PVT1: variants seen among roughly 807,000 people sequenced by gnomAD.
PVT1 encodes the protein CXCR4/PVT1 fusion.
intron 4 of PVT1, among the ~76,000 whole-genome samples, chr8:128,031,144 G>A (rs147782188): frequency 1.8e-3 from 275 of 152,334 alleles, no homozygotes; most frequent in African/African-American, 6.3e-3. Flanking sequence ...AAGGCTGAGG[G>A]TTAAGTAACA....
At chr8:128,077,989 G>T (rs971037712) in intron 5 of PVT1, among the ~76,000 whole-genome samples, 3 of 152,238 alleles carry the variant, frequency 2.0e-5, no homozygotes, top group African/African-American at 7.2e-5. Flanking sequence ...TGGGCAGAGA[G>T]GGGTCGTGGG....
intron 3 of PVT1, among the ~76,000 whole-genome samples, chr8:127,914,053 T>C (rs967901567): frequency 1.4e-4 from 22 of 151,898 alleles, no homozygotes; most frequent in African/African-American, 5.3e-4. Context: ...AAAACATTAG[T>C]GGACTCAAAA....
chr8:127,806,272 C>A (rs1305664188), intron 2 of PVT1, among the ~76,000 whole-genome samples: 1 of 152,026 alleles, frequency 6.6e-6, no homozygotes, highest in East Asian at 1.9e-4. Flanking sequence ...ACCATCCTGG[C>A]CAACATGGTA....
chr8:128,045,735 A>G (rs537831119), intron 4 of PVT1, among the ~76,000 whole-genome samples: 2 of 152,240 alleles, frequency 1.3e-5, no homozygotes, highest in Admixed American at 6.5e-5. Flanking sequence ...GAGCGGCTTC[A>G]TAATGAGCTG....
chr8:127,880,066 T>TC (rs1262880889), intron 2 of PVT1, among the ~76,000 whole-genome samples: 1 of 152,084 alleles, frequency 6.6e-6, no homozygotes, highest in Non-Finnish European at 1.5e-5. Flanking sequence ...TTCCTCCTGT[T>TC]CCTCAGCTTC....
chr8:127,861,639 C>T (rs1287127761), intron 2 of PVT1, among the ~76,000 whole-genome samples: 1 of 151,760 alleles, frequency 6.6e-6, no homozygotes, highest in African/African-American at 2.4e-5. Flanking sequence ...ATATCTTTTC[C>T]ATATTTCATT....
At chr8:127,962,884 C>T (rs1000556604) in intron 3 of PVT1, among the ~76,000 whole-genome samples, 9 of 152,176 alleles carry the variant, frequency 5.9e-5, no homozygotes, top group Admixed American at 3.3e-4. Flanking sequence ...GCATGAGCCT[C>T]CATGCCTGGC....
intron 4 of PVT1, among the ~76,000 whole-genome samples, chr8:128,038,359 C>T (rs1422903553): frequency 4.6e-5 from 7 of 152,118 alleles, no homozygotes; most frequent in African/African-American, 9.7e-5. Flanking sequence ...AGTCAGTGAT[C>T]GCCACATGCC....
chr8:128,099,997 T>C (rs1477428906), intron 6 of PVT1: 1 of 152,172 alleles, frequency 6.6e-6, no homozygotes, highest in Admixed American at 6.5e-5. Context: ...CATTGATTGA[T>C]GGCTGTATGG....
At chr8:128,034,050 G>A (rs1380172668) in intron 4 of PVT1, among the ~76,000 whole-genome samples, 1 of 150,084 alleles carries the variant, frequency 6.7e-6, no homozygotes, top group Non-Finnish European at 1.5e-5. Flanking sequence ...GGTACCATCT[G>A]CACTTCTGCA....
intron 2 of PVT1, among the ~76,000 whole-genome samples, chr8:127,818,404 A>G (rs771085843): frequency 7.9e-5 from 12 of 152,078 alleles, no homozygotes; most frequent in Non-Finnish European, 1.3e-4. Context: ...CATTCCATCC[A>G]CACTTGAGGC....
chr8:128,041,425 G>A (rs572234890), intron 4 of PVT1, among the ~76,000 whole-genome samples: 70 of 149,084 alleles, frequency 4.7e-4, no homozygotes, highest in African/African-American at 1.7e-3. Flanking sequence ...TTGTGCTCGT[G>A]TGTTTGTGTG....
intron 4 of PVT1, among the ~76,000 whole-genome samples, chr8:128,063,835 G>A (rs1813863650): frequency 6.6e-6 from 1 of 152,180 alleles, no homozygotes; most frequent in Non-Finnish European, 1.5e-5. Context: ...GGCTAAGAGA[G>A]TGGATGTAAA....
chr8:127,991,136 CTTTCTTTTT>C (rs796130340), intron 4 of PVT1, among the ~76,000 whole-genome samples: 1,368 of 136,370 alleles, frequency 0.01, 25 homozygotes, highest in African/African-American at 0.028. Context: ...TTTTTCTTTT[CTTTCTTTTT>C]TTTTTTTTTT....
chr8:127,954,659 G>T (rs1816547889), intron 3 of PVT1, among the ~76,000 whole-genome samples: 1 of 152,188 alleles, frequency 6.6e-6, no homozygotes, highest in South Asian at 2.1e-4. Context: ...GGTGGGAGTT[G>T]CCTGCCTTGA....
At chr8:128,014,037 T>C (rs1817343925) in intron 4 of PVT1, among the ~76,000 whole-genome samples, 1 of 152,214 alleles carries the variant, frequency 6.6e-6, no homozygotes, top group South Asian at 2.1e-4. Context: ...ATAGCTGTTG[T>C]TCTGGTGAGC....
intron 2 of PVT1, among the ~76,000 whole-genome samples, chr8:127,862,102 T>C (rs1237447385): frequency 6.6e-6 from 1 of 152,192 alleles, no homozygotes; most frequent in East Asian, 1.9e-4. Context: ...CAGCAAACTC[T>C]TTTAAAAAAA....
At chr8:128,023,263 G>A (rs1817458562) in intron 4 of PVT1, among the ~76,000 whole-genome samples, 1 of 152,130 alleles carries the variant, frequency 6.6e-6, no homozygotes. Flanking sequence ...GGTTCCGGGA[G>A]AAGAAAGAAT....
chr8:127,827,386 T>C (rs988922539), intron 2 of PVT1, among the ~76,000 whole-genome samples: 3 of 152,154 alleles, frequency 2.0e-5, no homozygotes, highest in African/African-American at 7.2e-5. Flanking sequence ...GACTGAGTCC[T>C]AGACACTTAG....
Sources: gnomAD v4.1 joint callset for allele counts (sites outside exome capture counted in the v4.1 genomes callset) on GRCh38, gnomAD v4.1.1 for gene constraint, MANE v1.5 for transcripts, NCBI Gene and HGNC (gene_info 2026-07-23, HGNC 2026-07-21) for gene names.